KLC1: variants seen among roughly 807,000 people sequenced by gnomAD.
KLC1 encodes kinesin 2 60/70kDa.
KLC1 carries 30 observed loss-of-function variants against 84.2 expected under a neutral mutation model. The ratio of observed to expected loss-of-function variants is 0.36; its 90% confidence interval spans 0.27 to 0.48. The LOEUF (loss-of-function observed/expected upper bound fraction) is 0.48. Ranked by LOEUF, KLC1 falls within the 20% of genes least tolerant of loss-of-function variation. The probability of loss-of-function intolerance (pLI) is 0.99; values close to 1 mark genes in which losing one functional copy is unlikely to be tolerated. For synonymous variants in KLC1, 289 were observed against 293.3 expected, an observed-to-expected ratio of 0.99 and a Z score of 0.15; for missense variants, 499 against 805.4, an observed-to-expected ratio of 0.62 and a Z score of 4.60.
At chr14:103,696,094 C>CCCG (rs2082467335) in intron 15 of KLC1, 1 of 185,186 alleles carries the variant, frequency 5.4e-6, no homozygotes, top group Admixed American at 4.8e-4. Flanking sequence ...ATCACTGCGC[C>CCCG]CCCGCCCCCC....
chr14:103,636,219 C>T (rs573017092), intron 1 of KLC1, among the ~76,000 whole-genome samples: 3 of 151,970 alleles, frequency 2.0e-5, no homozygotes, highest in Non-Finnish European at 4.4e-5. Context: ...ACTTTCAATA[C>T]TTTATTTTTT....
At chr14:103,637,199 C>G (rs1481631274) in intron 1 of KLC1, among the ~76,000 whole-genome samples, 1 of 151,978 alleles carries the variant, frequency 6.6e-6, no homozygotes, top group African/African-American at 2.4e-5. Flanking sequence ...TAAATCAATA[C>G]TTTTAATTTT....
intron 5 of KLC1, among the ~76,000 whole-genome samples, chr14:103,665,419 C>T (rs2079686755): frequency 6.6e-6 from 1 of 152,046 alleles, no homozygotes; most frequent in South Asian, 2.1e-4. Context: ...TCTGTCTTGT[C>T]TTGTCTTGTC....
In KLC1 at chr14:103,662,120, A is replaced by G; in HGVS notation, c.497A>G (p.Asp166Gly). The stretch of plus-strand genomic sequence containing the variant: ...TGTCCTGGGTCTGTTTTATAGGAGG[A>G]CAAAGACACTGATTCTACCAAAGAG... ...KYDDDISPSE[D>G]KDTDSTKEPL... The change falls in exon 4 of 17, where the codon GAC (aspartate) becomes GGC (glycine). Residue 166 changes from aspartate (D) to glycine (G), a missense_variant. Asp to Gly is a moderately conservative substitution (Grantham distance 94, BLOSUM62 -1). This residue lies in a region of KLC1 where 179 missense variants were observed against 264.2 expected (regional missense o/e 0.68). Transcript: ENST00000334553. 2 of 1,613,286 alleles carry G rather than the reference A, an allele frequency of 1.2e-6. No individual in the cohort carries two copies. The highest frequency in any genetic ancestry group is 1.7e-6 in the Non-Finnish European group (2 of 1,179,228).
At chr14:103,660,512 G>A (rs908434116) in intron 3 of KLC1, among the ~76,000 whole-genome samples, 6 of 149,626 alleles carry the variant, frequency 4.0e-5, no homozygotes, top group African/African-American at 1.2e-4. Flanking sequence ...AATTAAGGCC[G>A]ATGCGGTGGC....
chr14:103,657,863 TCATATTAGAA>T (rs1015353347), intron 3 of KLC1, 87 bp downstream of exon 3: 33 of 984,834 alleles, frequency 3.4e-5, no homozygotes, highest in East Asian at 7.8e-5. Context: ...CATATTCTTT[TCATATTAGAA>T]CATATTAGAA....
rs757315700 is a variant in KLC1, at chr14:103,657,626, C to T, written c.342C>T (p.Cys114=). The T allele has an allele frequency of 6.2e-7, 1 of 1,614,104 alleles. No individual in the cohort carries two copies. Among genetic ancestry groups the T allele is most frequent in the South Asian group, 1.1e-5 (1 of 91,084 alleles). Residue 114 remains cysteine (C), a synonymous_variant, in exon 3 of 17, where the codon TGC becomes TGT. Transcript: ENST00000334553. The part of the protein sequence containing the change: ...QKLRAQVRRL[C]QENQWLRDEL... ...TGCGTGCGCAGGTTCGTCGTCTGTG[C>T]CAGGAGAATCAGTGGCTACGGGATG...
chr14:103,636,219 CTTTATTT>C (rs1360053519), intron 1 of KLC1, among the ~76,000 whole-genome samples: 16 of 151,970 alleles, frequency 1.1e-4, no homozygotes, highest in Non-Finnish European at 2.4e-4. Context: ...ACTTTCAATA[CTTTATTT>C]TTTATTTTTT....
intron 9 of KLC1, 31 bp downstream of exon 9, chr14:103,673,462 T>A (rs2080585172): frequency 7.4e-7 from 1 of 1,357,140 alleles, no homozygotes; most frequent in Non-Finnish European, 1.0e-6. Flanking sequence ...TCAAGTGAAT[T>A]TAATTGTATA....
In KLC1 at chr14:103,693,743, C is replaced by A; in HGVS notation, c.1848+1318C>A. The A allele has an allele frequency of 6.9e-7, 1 of 1,451,144 alleles. No homozygotes were observed. 89.9% of individuals were successfully genotyped at this position (1,451,144 alleles called of 1,614,324 possible). ...GCTTCCTTTCCTAGATAGTGACGTC[C>A]ACCAACCTTGGAGGTGCCTTTTCAA... On this transcript the variant is annotated intron_variant, in intron 15 of 16. Coordinates refer to ENST00000334553, the MANE Select transcript of KLC1 (RefSeq NM_001394837.1). This position sits in a 1 kb window ranked among gnomAD's most constrained non-coding sequence, Gnocchi z 5.1.
intron 1 of KLC1, among the ~76,000 whole-genome samples, chr14:103,637,041 G>GTT (rs144848248): frequency 0.017 from 2,338 of 138,426 alleles, 59 homozygotes; most frequent in African/African-American, 0.057. Context: ...TTCCTTACAT[G>GTT]TTTTTTTTTT....
intron 7 of KLC1, among the ~76,000 whole-genome samples, 195 bp downstream of exon 7, chr14:103,670,478 AG>A (rs2080279044): frequency 6.6e-6 from 1 of 151,712 alleles, no homozygotes; most frequent in Admixed American, 6.6e-5. Context: ...CTGGGACTAC[AG>A]GGACACACCA....
At chr14:103,637,628 A>C (rs775744576) in intron 1 of KLC1, among the ~76,000 whole-genome samples, 4 of 151,996 alleles carry the variant, frequency 2.6e-5, no homozygotes, top group African/African-American at 9.7e-5. Context: ...AAGCATATCT[A>C]TAAATAAGTC....
At chr14:103,675,055 G>A (rs145536959) in intron 9 of KLC1, among the ~76,000 whole-genome samples, 2 of 152,288 alleles carry the variant, frequency 1.3e-5, no homozygotes, top group Non-Finnish European at 2.9e-5. Flanking sequence ...CAGGCTGGGC[G>A]CGGTGGCTCA....
chr14:103,668,597 C>T (rs942836122), intron 5 of KLC1, among the ~76,000 whole-genome samples: 6 of 151,954 alleles, frequency 3.9e-5, no homozygotes, highest in East Asian at 1.9e-4. Flanking sequence ...CCTGCCTTAG[C>T]GTCCCCAGCA....
At chr14:103,671,660 T>C (rs1343413465) in intron 7 of KLC1, among the ~76,000 whole-genome samples, 1 of 152,238 alleles carries the variant, frequency 6.6e-6, no homozygotes, top group East Asian at 1.9e-4. Flanking sequence ...CATGAGCCAC[T>C]GCACCCAGCC....
intron 1 of KLC1, among the ~76,000 whole-genome samples, chr14:103,647,155 G>A (rs1179664739): frequency 6.6e-6 from 1 of 151,974 alleles, no homozygotes; most frequent in African/African-American, 2.4e-5. Context: ...TTGTCTATCC[G>A]AACTGTTAAG....
intron 1 of KLC1, among the ~76,000 whole-genome samples, chr14:103,636,119 T>C (rs892056330): frequency 9.2e-5 from 14 of 152,202 alleles, no homozygotes; most frequent in Non-Finnish European, 1.6e-4. Context: ...CTGGCAGCGC[T>C]GAGACTGTAG....
intron 1 of KLC1, among the ~76,000 whole-genome samples, chr14:103,647,492 AG>A (rs1319966868): frequency 1.3e-5 from 2 of 152,188 alleles, no homozygotes; most frequent in Non-Finnish European, 2.9e-5. Context: ...GGCCTCCCAA[AG>A]TGGTGGGATT....
Sources: gnomAD v4.1 joint callset for allele counts (sites outside exome capture counted in the v4.1 genomes callset) on GRCh38, gnomAD v4.1.1 for gene constraint, gnomAD v4.1.1 regional missense constraint, Gnocchi (gnomAD v3.1) non-coding constraint, MANE v1.5 for transcripts, NCBI Gene and HGNC (gene_info 2026-07-23, HGNC 2026-07-21) for gene names.